DCAF8L2: variants seen among roughly 807,000 people sequenced by gnomAD.
DCAF8L2 encodes the protein DDB1- and CUL4-associated factor 8-like protein 2.
For missense variants in DCAF8L2, 430 were observed against 490.7 expected, an observed-to-expected ratio of 0.88 and a Z score of 1.17; for synonymous variants, 200 against 190.9, an observed-to-expected ratio of 1.05 and a Z score of -0.39.
chrX:27,586,766 G>A (rs1925912127), upstream of DCAF8L2, among the ~76,000 whole-genome samples: 1 of 110,459 alleles, frequency 9.1e-6, no homozygotes, highest in Non-Finnish European at 1.9e-5. Context: ...AGTTTTAGAT[G>A]GTTTAAATTC....
chrX:27,707,809 A>G (rs1179438756), intron 3 of DCAF8L2, among the ~76,000 whole-genome samples: 1 of 111,247 alleles, frequency 9.0e-6, no homozygotes, highest in Non-Finnish European at 1.9e-5. Context: ...ATAAAACTAT[A>G]GATACATTAG....
intron 2 of DCAF8L2, among the ~76,000 whole-genome samples, chrX:27,653,129 G>T (rs1054862153): frequency 8.9e-6 from 1 of 112,016 alleles, no homozygotes; most frequent in Non-Finnish European, 1.9e-5. Context: ...TGCGTGGAAT[G>T]GTGAGGAAGG....
the DCAF8L2 span, among the ~76,000 whole-genome samples, chrX:27,529,112 G>C: frequency 9.0e-6 from 1 of 111,626 alleles, no homozygotes; most frequent in African/African-American, 3.3e-5. Flanking sequence ...TCAGGTCCCT[G>C]TTTAGTAACA....
intron 2 of DCAF8L2, among the ~76,000 whole-genome samples, chrX:27,671,669 C>A (rs1235669097): frequency 8.9e-6 from 1 of 111,817 alleles, no homozygotes; most frequent in African/African-American, 3.2e-5. Context: ...AACCAAGAGA[C>A]AGAAGAAATC....
At chrX:27,589,465 A>G (rs1457089059), upstream of DCAF8L2, among the ~76,000 whole-genome samples, 1 of 111,652 alleles carries the variant, frequency 9.0e-6, no homozygotes, top group East Asian at 2.8e-4. Flanking sequence ...ATTTTGAATT[A>G]ATTAAATTTA....
intron 1 of DCAF8L2, among the ~76,000 whole-genome samples, chrX:27,624,492 A>G (rs773966026): frequency 9.0e-6 from 1 of 110,973 alleles, no homozygotes; most frequent in Non-Finnish European, 1.9e-5. Context: ...TCCTCTCAGA[A>G]TTAGAAAAAA....
chrX:27,490,085 C>G, the DCAF8L2 span, among the ~76,000 whole-genome samples: 2 of 111,277 alleles, frequency 1.8e-5, no homozygotes, highest in East Asian at 5.7e-4. Context: ...CTATGTTGCC[C>G]AGGCTGGTCT....
chrX:27,546,923 T>C, the DCAF8L2 span, among the ~76,000 whole-genome samples: 1 of 112,587 alleles, frequency 8.9e-6, no homozygotes, highest in African/African-American at 3.2e-5. Context: ...ATTGTCTTAG[T>C]GATTAACATT....
chrX:27,502,286 A>C, the DCAF8L2 span, among the ~76,000 whole-genome samples: 1 of 85,000 alleles, frequency 1.2e-5, no homozygotes, highest in African/African-American at 4.4e-5. Context: ...GTGCCACTGC[A>C]CTCCAGCCTG....
chrX:27,622,452 T>C (rs1397961612), intron 1 of DCAF8L2, among the ~76,000 whole-genome samples: 1 of 110,295 alleles, frequency 9.1e-6, no homozygotes, highest in African/African-American at 3.3e-5. Flanking sequence ...AATAAAAATA[T>C]ATAAAAAGAA....
At chrX:27,533,983 T>C in the DCAF8L2 span, among the ~76,000 whole-genome samples, 4 of 111,188 alleles carry the variant, frequency 3.6e-5, no homozygotes, top group African/African-American at 1.3e-4. Context: ...CCGAGGCAGG[T>C]GGATCACTTG....
the DCAF8L2 span, among the ~76,000 whole-genome samples, chrX:27,483,793 G>A: frequency 6.3e-5 from 7 of 110,790 alleles, no homozygotes; most frequent in South Asian, 3.8e-4. Context: ...TCACCTCCAC[G>A]AAACAGTGTA....
At chrX:27,492,481 CT>C in the DCAF8L2 span, among the ~76,000 whole-genome samples, 171 of 96,081 alleles carry the variant, frequency 1.8e-3, no homozygotes, top group South Asian at 0.014. Flanking sequence ...TTCTTTCTTT[CT>C]TTTTTTTTTT....
intron 3 of DCAF8L2, among the ~76,000 whole-genome samples, chrX:27,711,396 T>C (rs866289033): frequency 6.0e-5 from 5 of 83,996 alleles, no homozygotes; most frequent in African/African-American, 2.6e-4. Context: ...TGTGTGTGTG[T>C]ACGTGTGTGT....
chrX:27,741,369 A>G (rs1257584608), intron 4 of DCAF8L2, among the ~76,000 whole-genome samples: 2 of 110,322 alleles, frequency 1.8e-5, no homozygotes, highest in African/African-American at 6.6e-5. Flanking sequence ...CCAGACCCTC[A>G]GGGTCTCTGC....
the DCAF8L2 span, among the ~76,000 whole-genome samples, chrX:27,494,695 T>C: frequency 8.9e-6 from 1 of 112,013 alleles, no homozygotes; most frequent in African/African-American, 3.2e-5. Context: ...TAAAAATATA[T>C]GCTATTGGTC....
chrX:27,523,860 A>G, the DCAF8L2 span, among the ~76,000 whole-genome samples: 3 of 110,604 alleles, frequency 2.7e-5, no homozygotes, highest in Non-Finnish European at 5.7e-5. Context: ...GAGTGAGAAC[A>G]TGCGGTGTTT....
chrX:27,526,885 A>T, the DCAF8L2 span, among the ~76,000 whole-genome samples: 1 of 112,349 alleles, frequency 8.9e-6, no homozygotes, highest in East Asian at 2.8e-4. Context: ...TTCCTCTGGA[A>T]GCTTCGTCTC....
chrX:27,662,309 C>G (rs1929585896), intron 2 of DCAF8L2, among the ~76,000 whole-genome samples: 1 of 111,133 alleles, frequency 9.0e-6, no homozygotes, highest in Non-Finnish European at 1.9e-5. Context: ...AAAAATTAGT[C>G]TATTTATTCT....
Sources: gnomAD v4.1 joint callset for allele counts (sites outside exome capture counted in the v4.1 genomes callset) on GRCh38, gnomAD v4.1.1 for gene constraint, MANE v1.5 for transcripts, NCBI Gene and HGNC (gene_info 2026-07-23, HGNC 2026-07-21) for gene names.